Variants in ZC3H12B observed in about 807,000 individuals in gnomAD.
The protein encoded by ZC3H12B is zinc finger CCCH-type containing 12B.
A neutral mutation model predicts 43.9 loss-of-function variants in ZC3H12B; 7 were observed. The ratio of observed to expected loss-of-function variants is 0.16; its 90% CI spans 0.09 to 0.30. ZC3H12B has a LOEUF of 0.30. ZC3H12B is among the 10% of genes least tolerant of loss of function. The pLI is 1.00. For synonymous variants in ZC3H12B, 222 were observed against 241.7 expected, an observed-to-expected ratio of 0.92 and a Z score of 0.76; for missense variants, 475 against 670.2, an observed-to-expected ratio of 0.71 and a Z score of 3.22.
chrX:65,421,462 G>A (rs1275386896), intron 3 of ZC3H12B, among the ~76,000 whole-genome samples: 3 of 112,154 alleles, frequency 2.7e-5, no homozygotes, highest in Non-Finnish European at 5.6e-5. Context: ...CTACCTGATA[G>A]CAGGTTGATT....
chrX:65,455,347 T>G (rs772561133), intron 3 of ZC3H12B, among the ~76,000 whole-genome samples: 127 of 112,348 alleles, frequency 1.1e-3, no homozygotes, highest in Admixed American at 4.0e-3. Context: ...CCTCAGTAGC[T>G]GATTCGATCA....
chrX:65,153,716 C>A, the ZC3H12B span, among the ~76,000 whole-genome samples: 1 of 112,013 alleles, frequency 8.9e-6, no homozygotes, highest in Non-Finnish European at 1.9e-5. Context: ...TTGACCCATC[C>A]ATCCCATTAC....
At chrX:65,341,686 G>T in the ZC3H12B span, among the ~76,000 whole-genome samples, 7 of 110,695 alleles carry the variant, frequency 6.3e-5, no homozygotes, top group Non-Finnish European at 9.5e-5. Context: ...CACCAGACCT[G>T]CCTTACAACA....
intron 3 of ZC3H12B, among the ~76,000 whole-genome samples, chrX:65,418,534 G>A (rs767461124): frequency 9.9e-5 from 11 of 111,540 alleles, no homozygotes; most frequent in African/African-American, 2.9e-4. Context: ...GATAACAGTC[G>A]ACTTCCAAAG....
intron 3 of ZC3H12B, among the ~76,000 whole-genome samples, chrX:65,466,084 A>T (rs1222326607): frequency 9.0e-6 from 1 of 110,525 alleles, no homozygotes; most frequent in Non-Finnish European, 1.9e-5. Flanking sequence ...ATATTGTTGT[A>T]CATTAGATCA....
At chrX:65,375,641 C>T (rs1300937715) in intron 2 of ZC3H12B, among the ~76,000 whole-genome samples, 1 of 111,068 alleles carries the variant, frequency 9.0e-6, no homozygotes, top group Non-Finnish European at 1.9e-5. Flanking sequence ...AGTTTTGAGT[C>T]CCCCATTGTA....
chrX:65,507,620 T>TTTG (rs1252530628), exon 5 of ZC3H12B: 1 of 112,182 alleles, frequency 8.9e-6, no homozygotes, highest in South Asian at 3.7e-4. Context: ...CTTTGGGTTT[T>TTTG]TTGTTTGACC....
At chrX:65,412,692 T>A (rs893776667) in intron 3 of ZC3H12B, among the ~76,000 whole-genome samples, 6 of 111,695 alleles carry the variant, frequency 5.4e-5, no homozygotes, top group African/African-American at 9.8e-5. Flanking sequence ...GGTCTTGAAC[T>A]CCTGAGCTCA....
intron 3 of ZC3H12B, among the ~76,000 whole-genome samples, chrX:65,454,193 T>C (rs1018111478): frequency 8.9e-6 from 1 of 112,654 alleles, no homozygotes; most frequent in Non-Finnish European, 1.9e-5. Flanking sequence ...GGGCGAGGCA[T>C]CACCTCACCT....
chrX:65,421,746 G>C (rs753627818), intron 3 of ZC3H12B, among the ~76,000 whole-genome samples: 3 of 111,522 alleles, frequency 2.7e-5, no homozygotes, highest in Non-Finnish European at 3.8e-5. Context: ...CGGATCACGA[G>C]GTCAGGAGAT....
At chrX:65,197,884 A>T in the ZC3H12B span, among the ~76,000 whole-genome samples, 10 of 111,979 alleles carry the variant, frequency 8.9e-5, no homozygotes, top group Non-Finnish European at 7.5e-5. Flanking sequence ...GACTCTGCAT[A>T]TTCTGTTTAT....
intron 2 of ZC3H12B, among the ~76,000 whole-genome samples, chrX:65,376,733 C>T (rs1369194815): frequency 8.9e-6 from 1 of 111,972 alleles, no homozygotes; most frequent in Non-Finnish European, 1.9e-5. Flanking sequence ...CCCTCTAATG[C>T]AGATACAGCT....
chrX:65,357,864 A>C, the ZC3H12B span, among the ~76,000 whole-genome samples: 1 of 111,717 alleles, frequency 9.0e-6, no homozygotes, highest in East Asian at 2.8e-4. Flanking sequence ...AGTGTAAATG[A>C]GCTAAATGCC....
the ZC3H12B span, among the ~76,000 whole-genome samples, chrX:65,155,995 T>C: frequency 4.0e-3 from 441 of 111,615 alleles, 1 homozygote; most frequent in Non-Finnish European, 7.6e-3. Context: ...TTTCCACTAC[T>C]AGATCATTTT....
chrX:65,388,373 T>A (rs1404959170), intron 2 of ZC3H12B, among the ~76,000 whole-genome samples: 1 of 111,922 alleles, frequency 8.9e-6, no homozygotes, highest in Admixed American at 9.5e-5. Context: ...CTTCTCTTCT[T>A]GCTTCATTTC....
the ZC3H12B span, among the ~76,000 whole-genome samples, chrX:65,127,980 AC>A: frequency 8.9e-6 from 1 of 111,849 alleles, no homozygotes; most frequent in African/African-American, 3.2e-5. Flanking sequence ...AAGCAGACTC[AC>A]AGTTTTTCTG....
intron 2 of ZC3H12B, among the ~76,000 whole-genome samples, chrX:65,374,107 A>ATATTTATATATAACTATATATAT (rs759378799): frequency 3.1e-5 from 2 of 65,344 alleles, no homozygotes; most frequent in African/African-American, 1.8e-4. Flanking sequence ...AACTATATAT[A>ATATTTATATATAACTATATATAT]GGTTATATAT....
the ZC3H12B span, among the ~76,000 whole-genome samples, chrX:65,241,917 G>A: frequency 9.0e-6 from 1 of 111,312 alleles, no homozygotes; most frequent in Non-Finnish European, 1.9e-5. Flanking sequence ...AAAAACTCCT[G>A]GGTTTCTGTG....
At chrX:65,150,683 G>A in the ZC3H12B span, among the ~76,000 whole-genome samples, 3 of 111,667 alleles carry the variant, frequency 2.7e-5, no homozygotes, top group Non-Finnish European at 3.8e-5. Flanking sequence ...CCTTTTCATG[G>A]CTGCATAGTC....
Sources: gnomAD v4.1 joint callset for allele counts (sites outside exome capture counted in the v4.1 genomes callset) on GRCh38, gnomAD v4.1.1 for gene constraint, MANE v1.5 for transcripts, NCBI Gene and HGNC (gene_info 2026-07-23, HGNC 2026-07-21) for gene names.